Variants in IQCH observed in about 807,000 individuals in gnomAD.
IQCH encodes IQ motif containing H.
IQCH carries 98 observed loss-of-function variants against 117.0 expected under a neutral mutation model. The ratio of observed to expected loss-of-function variants is 0.84; its 90% CI spans 0.71 to 0.99. The LOEUF is 0.99. IQCH is among the 50% of genes least tolerant of loss of function. IQCH has a pLI of 0.00. For synonymous variants in IQCH, 412 were observed against 448.2 expected (o/e 0.92, Z 1.02); for missense variants, 1,102 against 1,243.8 (o/e 0.89, Z 1.72).
chr15:67,295,812 C>G (rs1966849049), intron 4 of IQCH, among the ~76,000 whole-genome samples: 1 of 152,100 alleles, frequency 6.6e-6, no homozygotes, highest in South Asian at 2.1e-4. Context: ...TTAAGGCCAG[C>G]CTCTTATTAA....
At chr15:67,488,260 A>C (rs1305565734) in intron 18 of IQCH, among the ~76,000 whole-genome samples, 2 of 152,222 alleles carry the variant, frequency 1.3e-5, no homozygotes, top group African/African-American at 4.8e-5. Flanking sequence ...TCGAGGCTGC[A>C]GTGAGCTGTG....
chr15:67,361,050 G>A (rs924138502), intron 8 of IQCH, among the ~76,000 whole-genome samples: 1 of 152,160 alleles, frequency 6.6e-6, no homozygotes, highest in South Asian at 2.1e-4. Context: ...AGCATCTTTC[G>A]TACCCACTGA....
intron 10 of IQCH, among the ~76,000 whole-genome samples, chr15:67,377,022 C>T (rs955370632): frequency 6.7e-5 from 10 of 150,300 alleles, no homozygotes; most frequent in African/African-American, 2.2e-4. Context: ...GAGGCTGAAG[C>T]AGGAGAATCG....
rs1333781747 is a variant in IQCH, at chr15:67,381,878, G to A, written c.1373-3058G>A. 6.6e-6 allele frequency among the ~76,000 whole-genome samples: 1 copy of A among 152,048 alleles called. No individual in the cohort carries two copies. Among genetic ancestry groups the A allele is most frequent in the African/African-American group, 2.4e-5 (1 of 41,390 alleles). ...CACCAGTAGTCTCACCTAATTGAGA[G>A]GCTGAGGTGGGAGGATCACTTGAGC... is the stretch of plus-strand genomic sequence containing the variant. On this transcript the variant is annotated intron_variant, in intron 10 of 20. Transcript: ENST00000335894. The surrounding 1 kb of genome is among the most constrained non-coding windows in gnomAD (Gnocchi z 5.1).
chr15:67,471,663 G>C (rs1401754091), intron 17 of IQCH, among the ~76,000 whole-genome samples: 1 of 152,166 alleles, frequency 6.6e-6, no homozygotes, highest in Non-Finnish European at 1.5e-5. Flanking sequence ...AAACTATTTA[G>C]TTTAATATGT....
intron 4 of IQCH, among the ~76,000 whole-genome samples, chr15:67,321,519 TTC>T (rs1465993667): frequency 6.6e-6 from 1 of 151,376 alleles, no homozygotes; most frequent in Non-Finnish European, 1.5e-5. Context: ...TTCTTTTTCT[TTC>T]TTTCTTTCTT....
In IQCH at chr15:67,370,289, C is replaced by T. The variant is rs1205072720; in HGVS notation, c.754-1822C>T. Among the ~76,000 whole-genome samples, 1 of 152,180 alleles carries T rather than the reference C, an allele frequency of 6.6e-6. No individual in the cohort carries two copies. Among genetic ancestry groups the T allele is most frequent in the Admixed American group, 6.5e-5 (1 of 15,270 alleles). On this transcript the variant is annotated intron_variant, in intron 8 of 20. Coordinates refer to ENST00000335894, the MANE Select transcript of IQCH (RefSeq NM_001031715.3). The surrounding 1 kb of genome is among the most constrained non-coding windows in gnomAD (Gnocchi z 5.6). ...AGACAAGATTCTCTGGCAAATCTCC[C>T]ATCGATAGCTTTGCTTCTTATAGGT...
rs1194707082 is a variant in IQCH at position 67,385,093 on chromosome 15, G to C, written c.1456+74G>C. On this transcript the variant is annotated intron_variant, in intron 11 of 20. Transcript: ENST00000335894. This position sits in a 1 kb window ranked among gnomAD's most constrained non-coding sequence, Gnocchi z 4.6. Reference sequence around the variant, plus strand: ...GGATGTTGATAGAATGTGTTGTTTTGTTTGTTTGTTTTTTGCTTATTTTTT... The same window carrying C: ...GGATGTTGATAGAATGTGTTGTTTTCTTTGTTTGTTTTTTGCTTATTTTTT... The C allele has an allele frequency of 3.6e-5, 34 of 949,426 alleles. No individual in the cohort carries two copies. The highest frequency in any genetic ancestry group is 4.9e-5 in the Non-Finnish European group (30 of 612,354). 58.8% of individuals were successfully genotyped at this position (949,426 alleles called of 1,614,324 possible). A position where few individuals can be genotyped will look rare whatever the true frequency, so the allele number is the denominator to read the frequency against.
At chr15:67,420,382 C>A (rs532974566) in intron 15 of IQCH, among the ~76,000 whole-genome samples, 2 of 152,298 alleles carry the variant, frequency 1.3e-5, no homozygotes, top group East Asian at 3.9e-4. Context: ...TTGTGAAATA[C>A]AGGCCAAGTT....
In IQCH at chr15:67,322,131, G is replaced by A. The variant is rs112165736; in HGVS notation, c.388-14844G>A. 2.6e-5 allele frequency among the ~76,000 whole-genome samples: 4 copies of A among 152,072 alleles called. 1 individual carries two copies. The highest frequency in any genetic ancestry group is 2.1e-4 in the South Asian group (1 of 4,800). Reference sequence around the variant, plus strand: ...TGACAATTTTTGTTTTACATATTTTGTGTTAATATTATTAGAGACATTCAC... The same window carrying A: ...TGACAATTTTTGTTTTACATATTTTATGTTAATATTATTAGAGACATTCAC... On this transcript the variant is annotated intron_variant, in intron 4 of 20. Transcript: ENST00000335894.
At chr15:67,343,968 T>A (rs1184265171) in intron 5 of IQCH, 95 bp from the exon 6 acceptor site, 1 of 1,059,834 alleles carries the variant, frequency 9.4e-7, no homozygotes, top group Non-Finnish European at 1.4e-6. Flanking sequence ...AATAAGATGA[T>A]GAATGGAGTA....
intron 13 of IQCH, among the ~76,000 whole-genome samples, chr15:67,396,202 C>A (rs535354236): frequency 6.6e-6 from 1 of 152,230 alleles, no homozygotes; most frequent in Admixed American, 6.5e-5. Flanking sequence ...TCAGTTTTCG[C>A]TAAAAGCAGT....
chr15:67,263,008 G>A (rs1965522138), intron 2 of IQCH, 114 bp from the exon 3 acceptor site: 4 of 685,442 alleles, frequency 5.8e-6, no homozygotes, highest in Non-Finnish European at 1.1e-5. Flanking sequence ...ATAATACATA[G>A]CATGTTGTGG....
chr15:67,440,239 C>T (rs999891500), intron 16 of IQCH, among the ~76,000 whole-genome samples: 5 of 152,082 alleles, frequency 3.3e-5, no homozygotes, highest in Admixed American at 2.0e-4. Flanking sequence ...AAGTTACCAA[C>T]CAAAAAAGTC....
At chr15:67,334,642 T>C (rs752821636) in intron 4 of IQCH, among the ~76,000 whole-genome samples, 4 of 152,142 alleles carry the variant, frequency 2.6e-5, no homozygotes, top group Non-Finnish European at 4.4e-5. Flanking sequence ...GCCTACCTAT[T>C]CTGAGTTAAT....
intron 3 of IQCH, among the ~76,000 whole-genome samples, chr15:67,263,997 A>C (rs1164726185): frequency 6.6e-6 from 1 of 152,240 alleles, no homozygotes; most frequent in Non-Finnish European, 1.5e-5. Flanking sequence ...AGCATAAATG[A>C]AAAATATTAG....
rs1031743688 is a variant in IQCH at position 67,488,133 on chromosome 15, C to CA, written c.2800-1866dup. On this transcript the variant is annotated intron_variant, in intron 18 of 20. Transcript: ENST00000335894. ...TTCGAGACCAGCCTAAGCAACAAGG[C>CA]AAAACCCTATCTCTACCAAAAAACA... Among the ~76,000 whole-genome samples the CA allele has an allele frequency of 3.9e-5, 6 of 152,170 alleles. 1 individual carries two copies. Among genetic ancestry groups the CA allele is most frequent in the Admixed American group, 2.0e-4 (3 of 15,278 alleles).
chr15:67,459,308 ATAAAT>A lies in IQCH; in HGVS notation c.2506-5816_2506-5812del, dbSNP rs1314636044. On this transcript the variant is annotated intron_variant, in intron 16 of 20. Coordinates refer to ENST00000335894, the MANE Select transcript of IQCH (RefSeq NM_001031715.3). This position sits in a 1 kb window ranked among gnomAD's most constrained non-coding sequence, Gnocchi z 4.2. ...TTCTTCAGTGAGTGTTATTTGATCT[ATAAAT>A]TAGTCTCTGAGTCCCATACGTGCCC... Among the ~76,000 whole-genome samples the A allele has an allele frequency of 1.3e-5, 2 of 152,210 alleles. No individual in the cohort carries two copies. The highest frequency in any genetic ancestry group is 4.8e-5 in the African/African-American group (2 of 41,450).
In IQCH at chr15:67,372,244, G is replaced by A. The variant is rs1256675256; in HGVS notation, c.887G>A (p.Gly296Glu). 2 of 1,614,114 alleles carry A rather than the reference G, an allele frequency of 1.2e-6. No homozygotes were observed. The highest frequency in any genetic ancestry group is 2.2e-5 in the South Asian group (2 of 91,072). Reference sequence around the variant, plus strand: ...AAGGAACATTTTAGCTTAGCTTGGGGAGGTATTTTTTCTCTCTTGGAACAC... The same window carrying A: ...AAGGAACATTTTAGCTTAGCTTGGGAAGGTATTTTTTCTCTCTTGGAACAC... ...AFKEHFSLAW[G>E]GIFSLLEHVE... The change falls in exon 9 of 21, where the codon GGA (glycine) becomes GAA (glutamate). Residue 296 changes from glycine (G) to glutamate (E), a missense_variant. Gly to Glu is a moderately conservative substitution (Grantham distance 98, BLOSUM62 -2). Transcript: ENST00000335894.
Sources: allele counts gnomAD v4.1 joint callset (sites outside exome capture counted in the v4.1 genomes callset), GRCh38; gene constraint gnomAD v4.1.1; non-coding constraint Gnocchi (gnomAD v3.1); transcripts MANE v1.5; gene names NCBI Gene and HGNC (gene_info 2026-07-23, HGNC 2026-07-21).